Variants in PALLD observed in about 807,000 individuals in gnomAD.
PALLD encodes palladin, cytoskeletal associated protein, also known as palladin.
PALLD carries 61 observed loss-of-function variants against 123.5 expected under a neutral mutation model. The ratio of observed to expected loss-of-function variants is 0.49; its 90% CI spans 0.40 to 0.61. The LOEUF (loss-of-function observed/expected upper bound fraction) is 0.61. Ranked by LOEUF, PALLD falls within the 20% of genes least tolerant of loss-of-function variation. The pLI is 0.00. For missense variants in PALLD, 1,273 were observed against 1,377.0 expected (o/e 0.92, Z 1.20); for synonymous variants, 465 against 496.4 (o/e 0.94, Z 0.84).
chr4:168,854,914 G>A (rs770816226), intron 10 of PALLD, among the ~76,000 whole-genome samples: 2 of 152,154 alleles, frequency 1.3e-5, no homozygotes, highest in Non-Finnish European at 2.9e-5. Flanking sequence ...CGTCTGTGCT[G>A]AGCACAACAA....
chr4:168,915,867 A>G (rs1164244089), intron 16 of PALLD, 28 bp from the exon 17 acceptor site: 1 of 1,590,342 alleles, frequency 6.3e-7, no homozygotes, highest in Non-Finnish European at 8.6e-7. Context: ...CTATATTTCT[A>G]TCTATCTGTC....
intron 8 of PALLD, among the ~76,000 whole-genome samples, chr4:168,695,270 T>C (rs1783032454): frequency 6.6e-6 from 1 of 152,226 alleles, no homozygotes; most frequent in African/African-American, 2.4e-5. Flanking sequence ...AGGGCAATGA[T>C]AGGGATGTTT....
chr4:168,698,981 CAG>C (rs1285473941), intron 8 of PALLD, among the ~76,000 whole-genome samples: 1 of 152,086 alleles, frequency 6.6e-6, no homozygotes, highest in Non-Finnish European at 1.5e-5. Context: ...GATAGATACA[CAG>C]GGGTTCATTT....
At chr4:168,721,088 C>A (rs1785965848) in intron 10 of PALLD, among the ~76,000 whole-genome samples, 1 of 151,864 alleles carries the variant, frequency 6.6e-6, no homozygotes, top group African/African-American at 2.4e-5. Flanking sequence ...TTGCAGATAC[C>A]CTATCTGTGT....
At chr4:168,924,675 C>T (rs1348187797) in intron 19 of PALLD, among the ~76,000 whole-genome samples, 3 of 152,116 alleles carry the variant, frequency 2.0e-5, no homozygotes, top group Non-Finnish European at 4.4e-5. Context: ...AAGATGAATT[C>T]ATTTGCTTTA....
At chr4:168,583,302 T>G (rs1770478489) in intron 2 of PALLD, among the ~76,000 whole-genome samples, 1 of 152,182 alleles carries the variant, frequency 6.6e-6, no homozygotes, top group Admixed American at 6.5e-5. Flanking sequence ...TATAATTATC[T>G]AAAAAGTATG....
At chr4:168,624,413 C>T (rs889842244) in intron 2 of PALLD, among the ~76,000 whole-genome samples, 1 of 152,140 alleles carries the variant, frequency 6.6e-6, no homozygotes, top group African/African-American at 2.4e-5. Context: ...CGCAAAAAAG[C>T]TTCTAAGAAC....
chr4:168,701,172 G>A (rs190962538), intron 8 of PALLD, among the ~76,000 whole-genome samples: 2 of 152,354 alleles, frequency 1.3e-5, no homozygotes, highest in Admixed American at 1.3e-4. Context: ...AATGTTTGTG[G>A]GGAAACATAA....
rs74642362 is a variant in PALLD, at chr4:168,735,408, C to T, written c.1964+23485C>T. Among the ~76,000 whole-genome samples, 422 of 152,282 alleles carry T rather than the reference C, an allele frequency of 2.8e-3. 3 individuals carry two copies. Among genetic ancestry groups the T allele is most frequent in the African/African-American group, 9.7e-3 (401 of 41,550 alleles). ...GTCCTTCACTTTCCTGAGAGAACAG[C>T]TTTAAGAAAAGAAAACGTCACTCCT... On this transcript the variant is annotated intron_variant, in intron 10 of 21. Coordinates refer to ENST00000505667, the MANE Select transcript of PALLD (RefSeq NM_001166108.2).
At chr4:168,858,570 C>T (rs1748955204) in intron 10 of PALLD, among the ~76,000 whole-genome samples, 1 of 152,010 alleles carries the variant, frequency 6.6e-6, no homozygotes, top group Non-Finnish European at 1.5e-5. Flanking sequence ...ATTGCTTGAG[C>T]TTAGGAATTG....
At chr4:168,761,641 G>GTTTTTTTTTTTTTTTTTTTTTTTTTT (rs1230404942) in intron 10 of PALLD, among the ~76,000 whole-genome samples, 4 of 11,638 alleles carry the variant, frequency 3.4e-4, no homozygotes, top group East Asian at 2.3e-3. Flanking sequence ...TGTTGTTGTT[G>GTTTTTTTTTTTTTTTTTTTTTTTTTT]TTTGTTTTTT....
intron 10 of PALLD, among the ~76,000 whole-genome samples, chr4:168,859,473 T>C (rs1749118990): frequency 6.6e-6 from 1 of 151,904 alleles, no homozygotes; most frequent in Admixed American, 6.6e-5. Flanking sequence ...CTTAGAAGAG[T>C]GGAAAGGCTT....
At chr4:168,675,279 A>C (rs138607928) in intron 3 of PALLD, among the ~76,000 whole-genome samples, 151 of 152,356 alleles carry the variant, frequency 9.9e-4, no homozygotes, top group African/African-American at 3.5e-3. Context: ...AGCGTTAAAA[A>C]GGTAGGGAAG....
intron 3 of PALLD, among the ~76,000 whole-genome samples, chr4:168,679,073 G>C (rs531455364): frequency 7.1e-6 from 1 of 139,978 alleles, no homozygotes; most frequent in Non-Finnish European, 1.5e-5. Flanking sequence ...TGTGTGGTGG[G>C]GTGAGTATGG....
intron 10 of PALLD, among the ~76,000 whole-genome samples, chr4:168,862,598 T>C (rs1487315535): frequency 2.6e-5 from 4 of 152,250 alleles, no homozygotes; most frequent in Middle Eastern, 3.2e-3. Flanking sequence ...TCAGCCATTT[T>C]CATAATCAAA....
intron 2 of PALLD, among the ~76,000 whole-genome samples, chr4:168,561,420 G>A (rs1308905650): frequency 6.6e-6 from 1 of 151,834 alleles, no homozygotes; most frequent in Non-Finnish European, 1.5e-5. Flanking sequence ...TACAGAGAAT[G>A]GACCATTGTG....
chr4:168,768,096 A>G (rs928612534), intron 10 of PALLD, among the ~76,000 whole-genome samples: 2 of 152,138 alleles, frequency 1.3e-5, no homozygotes, highest in Non-Finnish European at 2.9e-5. Flanking sequence ...TCTTCCGTGA[A>G]GTTTACCCGA....
chr4:168,893,608 T>A (rs1470278841), intron 11 of PALLD, among the ~76,000 whole-genome samples: 1 of 152,224 alleles, frequency 6.6e-6, no homozygotes, highest in Non-Finnish European at 1.5e-5. Flanking sequence ...TTATTCTCTA[T>A]TTCTAATCAA....
chr4:168,795,638 C>T (rs1225088321), intron 10 of PALLD, among the ~76,000 whole-genome samples: 2 of 151,970 alleles, frequency 1.3e-5, no homozygotes, highest in African/African-American at 4.8e-5. Context: ...GTTCTATTCC[C>T]CACAGGTCTC....
Sources: allele counts gnomAD v4.1 joint callset (sites outside exome capture counted in the v4.1 genomes callset), GRCh38; gene constraint gnomAD v4.1.1; transcripts MANE v1.5; gene names NCBI Gene and HGNC (gene_info 2026-07-23, HGNC 2026-07-21).